The following PCDHGB4 variants were observed in gnomAD, a reference collection of about 807,000 sequenced individuals.
PCDHGB4 encodes protocadherin gamma subfamily B, 4.
PCDHGB4 carries 38 observed loss-of-function variants against 60.5 expected under a neutral mutation model. The observed-to-expected ratio is 0.63, with a 90% CI of 0.48 to 0.82. The LOEUF is 0.82. PCDHGB4 is among the 40% of genes least tolerant of loss of function. PCDHGB4 has a pLI of 0.00. For synonymous variants in PCDHGB4, 456 were observed against 509.7 expected, an observed-to-expected ratio of 0.89 and a Z score of 1.42; for missense variants, 1,109 against 1,209.6, an observed-to-expected ratio of 0.92 and a Z score of 1.23.
intron 2 of PCDHGB4, among the ~76,000 whole-genome samples, chr5:141,496,078 CCCCACCCACCA>C (rs1204698458): frequency 6.6e-6 from 1 of 152,016 alleles, no homozygotes; most frequent in Non-Finnish European, 1.5e-5. Context: ...ACACACAACC[CCCCACCCACCA>C]CCCACCAACA....
Position 141,436,047 on chromosome 5 carries a change from T to G in PCDHGB4, c.2397+45766T>G, listed in dbSNP as rs141900903. On this transcript the variant is annotated intron_variant, in intron 1 of 3. Transcript: ENST00000519479. ...ATACTAAATTTGTATTTACATTAGT[T>G]TTCAAATAGAATTTAATAAGTACAG... is the stretch of plus-strand genomic sequence containing the variant. Among the ~76,000 whole-genome samples the G allele has an allele frequency of 1.0e-2, 1,517 of 152,280 alleles. 31 individuals carry two copies. The highest frequency in any genetic ancestry group is 0.034 in the African/African-American group (1,420 of 41,552).
In PCDHGB4 at chr5:141,476,656, T is replaced by A. The variant is rs190269177; in HGVS notation, c.2398-18151T>A. 6.2e-7 allele frequency: 1 copy of A among 1,614,210 alleles called. No individual in the cohort carries two copies. The highest frequency in any genetic ancestry group is 1.3e-5 in the African/African-American group (1 of 75,064). ...ATGAGCTGAGCCGAAATGAATACTTTGCGCTTCGCGTGCAGACGCGGGAGG... is the reference window on the plus strand; with the variant it reads ...ATGAGCTGAGCCGAAATGAATACTTAGCGCTTCGCGTGCAGACGCGGGAGG... On this transcript the variant is annotated intron_variant, in intron 1 of 3. Coordinates refer to ENST00000519479, the MANE Select transcript of PCDHGB4 (RefSeq NM_003736.4). This position sits in a 1 kb window ranked among gnomAD's most constrained non-coding sequence, Gnocchi z 7.6.
chr5:141,476,018 A>G lies in PCDHGB4; in HGVS notation c.2398-18789A>G. 7.3e-7 allele frequency: 1 copy of G among 1,371,412 alleles called. No homozygotes were observed. Among genetic ancestry groups the G allele is most frequent in the African/African-American group, 1.4e-5 (1 of 69,226 alleles). The allele number at this position is 1,371,412 out of a possible 1,614,324, so 85.0% of individuals were successfully genotyped here. A position where few individuals can be genotyped will look rare whatever the true frequency, so the allele number is the denominator to read the frequency against. The stretch of plus-strand genomic sequence containing the variant: ...AACGGCATCCAGAAAGCCATGTCGG[A>G]CTCGGCGCCCAGCGCCCAAGCGCTA... On this transcript the variant is annotated intron_variant, in intron 1 of 3. Coordinates refer to ENST00000519479, the MANE Select transcript of PCDHGB4 (RefSeq NM_003736.4). This position sits in a 1 kb window ranked among gnomAD's most constrained non-coding sequence, Gnocchi z 7.6.
Position 141,420,249 on chromosome 5 carries a change from A to C in PCDHGB4, c.2397+29968A>C. 4 of 1,580,072 alleles carry C rather than the reference A, an allele frequency of 2.5e-6. No homozygotes were observed. In the Admixed American group the frequency reaches 7.3e-5, roughly 29 times the overall value. On this transcript the variant is annotated intron_variant, in intron 1 of 3. Transcript: ENST00000519479. The stretch of plus-strand genomic sequence containing the variant: ...GCTAGCATTTTAACTCCCAGCGTTG[A>C]AGCAGATAAGAAGATTCTTAAACAG...
intron 1 of PCDHGB4, among the ~76,000 whole-genome samples, chr5:141,433,789 A>G (rs1388423731): frequency 6.7e-6 from 1 of 148,972 alleles, no homozygotes; most frequent in Non-Finnish European, 1.5e-5. Flanking sequence ...ATGAGCTGAG[A>G]TTGTGCCATT....
At chr5:141,414,904 A>G in intron 1 of PCDHGB4, 2 of 1,614,190 alleles carry the variant, frequency 1.2e-6, no homozygotes, top group Non-Finnish European at 1.7e-6. Context: ...AGACGGTTCC[A>G]CAGGCGTGGA....
At chr5:141,466,201 T>C (rs985163022) in intron 1 of PCDHGB4, among the ~76,000 whole-genome samples, 1 of 152,006 alleles carries the variant, frequency 6.6e-6, no homozygotes, top group African/African-American at 2.4e-5. Context: ...GACACAGCCT[T>C]GCTCTGTTAC....
intron 1 of PCDHGB4, chr5:141,418,214 G>A: frequency 6.2e-7 from 1 of 1,614,064 alleles, no homozygotes; most frequent in Non-Finnish European, 8.5e-7. Flanking sequence ...TATTTTTCAT[G>A]TCATTGTGGT....
In PCDHGB4 at chr5:141,490,296, G is replaced by T; in HGVS notation, c.2398-4511G>T. The stretch of plus-strand genomic sequence containing the variant: ...ATGACAATGCCCCAGAGGTGCTATT[G>T]GCCTCTTTGGCCAACCCTGTCCTAG... On this transcript the variant is annotated intron_variant, in intron 1 of 3. Coordinates refer to ENST00000519479, the MANE Select transcript of PCDHGB4 (RefSeq NM_003736.4). This position sits in a 1 kb window ranked among gnomAD's most constrained non-coding sequence, Gnocchi z 5.4. 6.2e-7 allele frequency: 1 copy of T among 1,614,184 alleles called. No homozygotes were observed. Among genetic ancestry groups the T allele is most frequent in the South Asian group, 1.1e-5 (1 of 91,084 alleles).
intron 1 of PCDHGB4, among the ~76,000 whole-genome samples, chr5:141,401,643 A>G (rs973841801): frequency 6.6e-6 from 1 of 152,262 alleles, no homozygotes; most frequent in African/African-American, 2.4e-5. Context: ...AGCTTTAAAT[A>G]TAAATGACTG....
At chr5:141,421,224 T>G (rs1401875673) in intron 1 of PCDHGB4, 2 of 1,582,072 alleles carry the variant, frequency 1.3e-6, no homozygotes, top group Admixed American at 3.6e-5. Flanking sequence ...GCTTAGAGCC[T>G]GCCATGGCGA....
chr5:141,438,685 G>A (rs2098051190), intron 1 of PCDHGB4, among the ~76,000 whole-genome samples: 1 of 143,314 alleles, frequency 7.0e-6, no homozygotes, highest in Non-Finnish European at 1.5e-5. Context: ...GTAGGGGATG[G>A]AGTCTTGCTC....
intron 1 of PCDHGB4, among the ~76,000 whole-genome samples, chr5:141,439,631 A>C (rs1459977985): frequency 2.0e-5 from 3 of 152,214 alleles, no homozygotes; most frequent in Non-Finnish European, 2.9e-5. Context: ...ATCCCCAGAC[A>C]TTCCGGCTTG....
chr5:141,417,919 G>C, intron 1 of PCDHGB4: 1 of 1,605,944 alleles, frequency 6.2e-7, no homozygotes, highest in Non-Finnish European at 8.5e-7. Flanking sequence ...TATTTCCTTT[G>C]CTGCTGCCTT....
At chr5:141,461,131 T>G (rs1372557827) in intron 1 of PCDHGB4, among the ~76,000 whole-genome samples, 1 of 152,094 alleles carries the variant, frequency 6.6e-6, no homozygotes, top group Non-Finnish European at 1.5e-5. Flanking sequence ...TATAATTACT[T>G]ATTTTCCTTT....
chr5:141,474,417 C>A (rs1321402346), intron 1 of PCDHGB4, among the ~76,000 whole-genome samples: 1 of 152,222 alleles, frequency 6.6e-6, no homozygotes, highest in African/African-American at 2.4e-5. Context: ...GATGCCTAGA[C>A]CATTGGTCCT....
At chr5:141,392,891 C>T in intron 1 of PCDHGB4, 1 of 1,613,594 alleles carries the variant, frequency 6.2e-7, no homozygotes. Flanking sequence ...TGTGGGAAAT[C>T]GGGAGGGGAC....
chr5:141,433,140 C>T (rs1394486228), intron 1 of PCDHGB4: 4 of 1,613,948 alleles, frequency 2.5e-6, no homozygotes, highest in African/African-American at 1.3e-5. Flanking sequence ...CTTTTGCTGT[C>T]AGGTGATTCG....
intron 1 of PCDHGB4, among the ~76,000 whole-genome samples, chr5:141,480,274 G>A (rs111260319): frequency 6.6e-6 from 1 of 152,036 alleles, no homozygotes; most frequent in Non-Finnish European, 1.5e-5. Context: ...CATTAGCTGG[G>A]TGTGTTGGCA....
Sources: allele counts gnomAD v4.1 joint callset (sites outside exome capture counted in the v4.1 genomes callset), GRCh38; gene constraint gnomAD v4.1.1; non-coding constraint Gnocchi (gnomAD v3.1); transcripts MANE v1.5; gene names NCBI Gene and HGNC (gene_info 2026-07-23, HGNC 2026-07-21).